The following LTBP1 variants were observed in gnomAD, a reference collection of about 807,000 sequenced individuals.
The protein encoded by LTBP1 is latent-transforming growth factor beta-binding protein 1.
In LTBP1, 129 loss-of-function variants were observed where a neutral mutation model predicts 207.6. That is an observed-to-expected ratio of 0.62 (90% CI 0.54 to 0.72). The LOEUF (loss-of-function observed/expected upper bound fraction) is 0.72. Ranked by LOEUF, LTBP1 falls within the 30% of genes least tolerant of loss-of-function variation. The pLI, the probability that LTBP1 is intolerant of heterozygous loss-of-function variation, is 0.00. For missense variants in LTBP1, 2,281 were observed against 2,217.2 expected (o/e 1.03, Z -0.58); for synonymous variants, 963 against 833.7 (o/e 1.16, Z -2.67).
rs1297764154 is a variant in LTBP1, at chr2:33,150,292, T to C, written c.1201+15332T>C. 2.0e-5 allele frequency among the ~76,000 whole-genome samples: 3 copies of C among 152,298 alleles called. No homozygotes were observed. The East Asian group carries it at 5.8e-4, about 29-fold the overall frequency. On this transcript the variant is annotated intron_variant, in intron 5 of 33. Transcript: ENST00000404816. ...TTTACTTGAATGAAATGCCTGTTCT[T>C]AATTCCCTCGGTGTGTAGGGGGGTT...
At chr2:33,086,283 AG>A (rs1466025575) in intron 3 of LTBP1, among the ~76,000 whole-genome samples, 2 of 152,248 alleles carry the variant, frequency 1.3e-5, no homozygotes, top group African/African-American at 4.8e-5. Flanking sequence ...ACCTCAGCTC[AG>A]GCTACCGGGT....
In LTBP1 at chr2:33,000,067, A is replaced by G. The variant is rs1431371549; in HGVS notation, c.566-20842A>G. Among the ~76,000 whole-genome samples the G allele has an allele frequency of 6.7e-5, 9 of 134,414 alleles. 2 individuals are homozygous for G. Among genetic ancestry groups the G allele is most frequent in the Non-Finnish European group, 1.1e-4 (7 of 61,180 alleles). The allele number at this position is 134,414 out of a possible 152,430, so 88.2% of individuals were successfully genotyped here. Reference sequence around the variant, plus strand: ...AAGGACCCAGGAATTTGCATTGTTAACAAGTTCTCCCAAATTCTTCTTATG... The same window carrying G: ...AAGGACCCAGGAATTTGCATTGTTAGCAAGTTCTCCCAAATTCTTCTTATG... On this transcript the variant is annotated intron_variant, in intron 2 of 33. Coordinates refer to ENST00000404816, the MANE Select transcript of LTBP1 (RefSeq NM_206943.4).
chr2:33,318,440 G>A (rs1358586624), intron 24 of LTBP1, among the ~76,000 whole-genome samples: 1 of 152,156 alleles, frequency 6.6e-6, no homozygotes, highest in East Asian at 1.9e-4. Context: ...CCATGAAGCC[G>A]ACATTCCACT....
At chr2:33,239,077 G>A (rs1423491278) in intron 9 of LTBP1, among the ~76,000 whole-genome samples, 2 of 152,200 alleles carry the variant, frequency 1.3e-5, no homozygotes, top group Admixed American at 6.5e-5. Context: ...TAGAAGAAGA[G>A]CAGTTTTAGA....
intron 3 of LTBP1, among the ~76,000 whole-genome samples, chr2:33,058,117 G>A (rs372748943): frequency 1.3e-5 from 2 of 152,064 alleles, no homozygotes; most frequent in African/African-American, 4.8e-5. Context: ...AATTCATTGC[G>A]GGCCATTTAA....
intron 26 of LTBP1, among the ~76,000 whole-genome samples, chr2:33,358,341 G>A (rs1014762485): frequency 4.6e-5 from 7 of 151,866 alleles, no homozygotes; most frequent in Admixed American, 2.6e-4. Flanking sequence ...TGATGTGAGT[G>A]TAACAAACAT....
intron 24 of LTBP1, among the ~76,000 whole-genome samples, chr2:33,319,077 G>A (rs1418189200): frequency 1.3e-5 from 2 of 152,138 alleles, no homozygotes; most frequent in Non-Finnish European, 2.9e-5. Context: ...TCCAGCCTGC[G>A]TGACAGAACC....
At chr2:33,267,543 A>G (rs947618793) in intron 15 of LTBP1, among the ~76,000 whole-genome samples, 2 of 152,246 alleles carry the variant, frequency 1.3e-5, no homozygotes, top group African/African-American at 4.8e-5. Context: ...TTTGTGCTGC[A>G]AAGTATACAA....
chr2:33,180,972 G>C, intron 5 of LTBP1, among the ~76,000 whole-genome samples: 1 of 133,746 alleles, frequency 7.5e-6, no homozygotes, highest in East Asian at 2.1e-4. Context: ...AGACAAGTGG[G>C]AAAGTCAAAT....
At chr2:33,233,857 A>AT (rs1433652224) in intron 9 of LTBP1, among the ~76,000 whole-genome samples, 1 of 151,136 alleles carries the variant, frequency 6.6e-6, no homozygotes, top group Non-Finnish European at 1.5e-5. Flanking sequence ...TTTTATTTTT[A>AT]TTTTTTATTT....
intron 5 of LTBP1, among the ~76,000 whole-genome samples, chr2:33,170,983 A>G (rs1438285428): frequency 2.0e-5 from 3 of 151,998 alleles, no homozygotes; most frequent in Non-Finnish European, 4.4e-5. Context: ...ACAAACAGAA[A>G]GGACATCCAC....
chr2:33,352,970 C>CTTTTT (rs61357622), intron 26 of LTBP1, among the ~76,000 whole-genome samples: 8 of 93,220 alleles, frequency 8.6e-5, no homozygotes, highest in Non-Finnish European at 1.0e-4. Flanking sequence ...GTAAGCCTTT[C>CTTTTT]TTTTTTTTTT....
chr2:33,344,234 T>C (rs1352267190), intron 25 of LTBP1, among the ~76,000 whole-genome samples: 1 of 152,210 alleles, frequency 6.6e-6, no homozygotes, highest in Non-Finnish European at 1.5e-5. Context: ...TATTCAAGAA[T>C]TATTCACAAC....
chr2:33,358,923 G>T (rs888777634), intron 26 of LTBP1, among the ~76,000 whole-genome samples: 1 of 152,124 alleles, frequency 6.6e-6, no homozygotes, highest in East Asian at 1.9e-4. Flanking sequence ...GATCCGTTCC[G>T]TTAAGAGTAC....
At chr2:33,149,051 A>G (rs1165307144) in intron 5 of LTBP1, among the ~76,000 whole-genome samples, 1 of 151,898 alleles carries the variant, frequency 6.6e-6, no homozygotes, top group East Asian at 1.9e-4. Context: ...CGTCTCTACT[A>G]AAATATAGAA....
At chr2:33,085,761 T>G (rs1276159788) in intron 3 of LTBP1, among the ~76,000 whole-genome samples, 2 of 152,260 alleles carry the variant, frequency 1.3e-5, no homozygotes, top group Non-Finnish European at 2.9e-5. Context: ...TTCTGTGTTC[T>G]TAGCTATGTT....
intron 7 of LTBP1, among the ~76,000 whole-genome samples, chr2:33,213,350 C>A (rs945051221): frequency 6.6e-6 from 1 of 152,182 alleles, no homozygotes; most frequent in African/African-American, 2.4e-5. Flanking sequence ...GAATAATTCA[C>A]AAAGGAGGAA....
intron 17 of LTBP1, 124 bp downstream of exon 17, chr2:33,275,214 A>T: frequency 2.6e-6 from 3 of 1,144,654 alleles, no homozygotes; most frequent in South Asian, 3.1e-5. Context: ...TTATCATGAC[A>T]GCAGTCTGCT....
intron 25 of LTBP1, among the ~76,000 whole-genome samples, chr2:33,345,121 G>C (rs746404494): frequency 1.3e-5 from 2 of 152,190 alleles, no homozygotes; most frequent in Non-Finnish European, 2.9e-5. Flanking sequence ...GTGTTCTGTA[G>C]AGCTACAGGG....
Sources: allele counts gnomAD v4.1 joint callset (sites outside exome capture counted in the v4.1 genomes callset), GRCh38; gene constraint gnomAD v4.1.1; transcripts MANE v1.5; gene names NCBI Gene and HGNC (gene_info 2026-07-23, HGNC 2026-07-21).